TYW1B: variants seen among roughly 807,000 people sequenced by gnomAD.
TYW1B encodes S-adenosyl-L-methionine-dependent tRNA 4-demethylwyosine synthase TYW1B.
TYW1B carries 73 observed loss-of-function variants against 86.9 expected under a neutral mutation model. The observed-to-expected ratio is 0.84, with a 90% CI of 0.70 to 1.02. TYW1B has a LOEUF of 1.02. Among genes scored for constraint, TYW1B ranks in the 50% least tolerant of loss-of-function variants. The probability of loss-of-function intolerance (pLI) is 0.00; values close to 1 mark genes in which losing one functional copy is unlikely to be tolerated. For missense variants in TYW1B, 637 were observed against 827.4 expected (o/e 0.77, Z 2.82); for synonymous variants, 248 against 292.8 (o/e 0.85, Z 1.56).
intron 9 of TYW1B, among the ~76,000 whole-genome samples, chr7:72,719,668 C>T (rs570422473): frequency 9.6e-5 from 14 of 145,810 alleles, no homozygotes; most frequent in Non-Finnish European, 1.5e-4. Flanking sequence ...GTGATAGGCA[C>T]GTGGAGAAGA....
intron 11 of TYW1B, among the ~76,000 whole-genome samples, chr7:72,630,949 C>T (rs1358998341): frequency 3.3e-5 from 5 of 151,848 alleles, no homozygotes; most frequent in Non-Finnish European, 5.9e-5. Context: ...TTAAAAATCC[C>T]GGGATTGCAA....
chr7:72,621,811 G>A (rs1311349983), intron 12 of TYW1B, among the ~76,000 whole-genome samples: 1 of 152,168 alleles, frequency 6.6e-6, no homozygotes, highest in Non-Finnish European at 1.5e-5. Flanking sequence ...ACATGACTCA[G>A]GAGTTTTCTA....
chr7:72,822,942 TA>T, intron 2 of TYW1B: 1 of 152,166 alleles, frequency 6.6e-6, no homozygotes. Flanking sequence ...TGCAGTGAAC[TA>T]AAATCATGCC....
chr7:72,773,133 C>A (rs1787895956), intron 7 of TYW1B, among the ~76,000 whole-genome samples: 1 of 152,194 alleles, frequency 6.6e-6, no homozygotes, highest in Admixed American at 6.5e-5. Flanking sequence ...TTATATTTTT[C>A]TCTCCCAAGA....
intron 11 of TYW1B, among the ~76,000 whole-genome samples, chr7:72,671,672 T>G (rs1429870160): frequency 5.3e-5 from 8 of 152,294 alleles, no homozygotes; most frequent in Non-Finnish European, 5.9e-5. Context: ...TTTCTTTTCC[T>G]TATTTTTCTA....
chr7:72,781,216 A>G (rs1788044379), intron 6 of TYW1B, among the ~76,000 whole-genome samples: 1 of 152,082 alleles, frequency 6.6e-6, no homozygotes, highest in South Asian at 2.1e-4. Flanking sequence ...ACCAGAGGCA[A>G]TCAGAACTAA....
chr7:72,779,753 A>G (rs1485778187), intron 6 of TYW1B, among the ~76,000 whole-genome samples: 6 of 150,430 alleles, frequency 4.0e-5, no homozygotes, highest in Non-Finnish European at 7.4e-5. Flanking sequence ...ACAGAAAGTA[A>G]GTGAAATTTG....
chr7:72,648,906 T>C, intron 11 of TYW1B, among the ~76,000 whole-genome samples: 1 of 152,136 alleles, frequency 6.6e-6, no homozygotes, highest in Non-Finnish European at 1.5e-5. Flanking sequence ...AGAGGTACTG[T>C]AAGCAAAGTA....
chr7:72,814,760 T>A (rs1295252176), intron 3 of TYW1B, among the ~76,000 whole-genome samples: 2 of 149,630 alleles, frequency 1.3e-5, no homozygotes, highest in Non-Finnish European at 3.0e-5. Flanking sequence ...TAAAATAAAT[T>A]CAAAAAAAAT....
intron 12 of TYW1B, among the ~76,000 whole-genome samples, chr7:72,627,514 A>ACATAAC (rs61184333): frequency 1.4e-5 from 2 of 142,262 alleles, no homozygotes; most frequent in Non-Finnish European, 3.1e-5. Flanking sequence ...ACATAACATA[A>ACATAAC]ATAAAATAAA....
At chr7:72,579,726 T>A (rs184902822) in intron 13 of TYW1B, among the ~76,000 whole-genome samples, 1 of 152,154 alleles carries the variant, frequency 6.6e-6, no homozygotes, top group South Asian at 2.1e-4. Context: ...CTATTGCACA[T>A]TGCAGCCTCA....
At chr7:72,630,505 GA>G (rs111462590) in intron 11 of TYW1B, among the ~76,000 whole-genome samples, 29 of 133,274 alleles carry the variant, frequency 2.2e-4, no homozygotes, top group East Asian at 6.5e-4. Flanking sequence ...AAATACTCAA[GA>G]AAAAAAAAAA....
intron 6 of TYW1B, among the ~76,000 whole-genome samples, chr7:72,801,896 T>C (rs1788409048): frequency 6.6e-6 from 1 of 152,174 alleles, no homozygotes; most frequent in Admixed American, 6.6e-5. Flanking sequence ...ATCTCAACCA[T>C]AATAAATCCT....
intron 11 of TYW1B, among the ~76,000 whole-genome samples, chr7:72,686,551 G>A (rs1193096031): frequency 3.3e-5 from 5 of 152,244 alleles, no homozygotes; most frequent in Admixed American, 3.3e-4. Context: ...CAGGGATGAG[G>A]GAGGGAGAGA....
chr7:72,825,588 G>C (rs1333869476), intron 2 of TYW1B, among the ~76,000 whole-genome samples: 2 of 152,170 alleles, frequency 1.3e-5, no homozygotes, highest in Admixed American at 1.3e-4. Context: ...GCTGAGGCAG[G>C]AGAATTGCTT....
At chr7:72,616,902 T>C (rs183081107) in intron 12 of TYW1B, 63 bp from the exon 13 acceptor site, 13 of 1,590,754 alleles carry the variant, frequency 8.2e-6, no homozygotes, top group African/African-American at 1.3e-5. Flanking sequence ...TAGAAGACTT[T>C]CAGAGCCGGA....
intron 11 of TYW1B, among the ~76,000 whole-genome samples, chr7:72,685,909 C>T (rs1213981685): frequency 6.6e-6 from 1 of 152,066 alleles, no homozygotes; most frequent in East Asian, 1.9e-4. Context: ...ATAAAGGACT[C>T]CAAAATATAC....
At chr7:72,717,987 A>T (rs1786823157) in intron 9 of TYW1B, among the ~76,000 whole-genome samples, 1 of 152,204 alleles carries the variant, frequency 6.6e-6, no homozygotes, top group South Asian at 2.1e-4. Context: ...AAGGAAAAGA[A>T]ATCATTATAT....
Position 72,596,764 on chromosome 7 carries a change from T to C in TYW1B, c.1785+19908A>G, listed in dbSNP as rs73372810. Among the ~76,000 whole-genome samples the C allele has an allele frequency of 6.3e-4, 95 of 151,386 alleles. 1 individual carries two copies. The highest frequency in any genetic ancestry group is 2.3e-3 in the African/African-American group (94 of 41,200). On this transcript the variant is annotated intron_variant, in intron 13 of 13. Coordinates refer to ENST00000620995, the MANE Select transcript of TYW1B (RefSeq NM_001145440.3). ...GGAGAATAGGCAAGAAAAGAAAGAG[T>C]AGACAAACTGGACCTTATGAAAAAT...
Sources: gnomAD v4.1 joint callset for allele counts (sites outside exome capture counted in the v4.1 genomes callset) on GRCh38, gnomAD v4.1.1 for gene constraint, MANE v1.5 for transcripts, NCBI Gene and HGNC (gene_info 2026-07-23, HGNC 2026-07-21) for gene names.